KIF17: variants seen among roughly 807,000 people sequenced by gnomAD.
KIF17 encodes kinesin family member 17.
A neutral mutation model predicts 96.8 loss-of-function variants in KIF17; 80 were observed. The observed-to-expected ratio is 0.83, with a 90% CI of 0.69 to 1.00. The LOEUF is 1.00. KIF17 is among the 50% of genes least tolerant of loss of function. The probability of loss-of-function intolerance (pLI) is 0.00; values close to 1 mark genes in which losing one functional copy is unlikely to be tolerated. For missense variants in KIF17, 1,280 were observed against 1,372.9 expected (o/e 0.93, Z 1.07); for synonymous variants, 567 against 587.5 (o/e 0.97, Z 0.51).
downstream of KIF17, among the ~76,000 whole-genome samples, chr1:20,662,713 C>T (rs1277241558): frequency 6.6e-6 from 1 of 152,230 alleles, no homozygotes; most frequent in Non-Finnish European, 1.5e-5. Flanking sequence ...TCTCAGCAGC[C>T]TCGTCCCCTC....
At chr1:20,690,966 C>T (rs1373248166) in intron 6 of KIF17, among the ~76,000 whole-genome samples, 6 of 151,982 alleles carry the variant, frequency 3.9e-5, no homozygotes, top group African/African-American at 9.6e-5. Context: ...GGATTACAGG[C>T]GTGAGACACC....
At chr1:20,670,314 C>A in intron 13 of KIF17, 107 bp downstream of exon 13, 1 of 1,101,726 alleles carries the variant, frequency 9.1e-7, no homozygotes, top group South Asian at 1.3e-5. Context: ...AATCCTTAGG[C>A]GGGAGGAAAG....
At chr1:20,691,023 G>A (rs1014184648) in intron 6 of KIF17, among the ~76,000 whole-genome samples, 2 of 151,780 alleles carry the variant, frequency 1.3e-5, no homozygotes, top group African/African-American at 2.4e-5. Context: ...TTTGTAGGCC[G>A]GGCGTGGTGG....
chr1:20,695,348 C>T (rs1003245847), intron 6 of KIF17, among the ~76,000 whole-genome samples: 36 of 152,262 alleles, frequency 2.4e-4, no homozygotes, highest in African/African-American at 8.2e-4. Flanking sequence ...CCATCACTCC[C>T]GACTAATTTT....
chr1:20,714,259 G>A (rs532882330), intron 2 of KIF17, among the ~76,000 whole-genome samples: 46 of 151,814 alleles, frequency 3.0e-4, no homozygotes, highest in African/African-American at 7.0e-4. Context: ...CCCAGGAGGC[G>A]GAGCTTGCAG....
At chr1:20,715,780 C>T (rs975251204) in intron 1 of KIF17, 141 bp from the exon 2 acceptor site, 2 of 990,164 alleles carry the variant, frequency 2.0e-6, no homozygotes, top group Non-Finnish European at 3.1e-6. Flanking sequence ...ATAAACAAGG[C>T]GCAGCTCTGT....
intron 6 of KIF17, among the ~76,000 whole-genome samples, chr1:20,695,147 CAT>C (rs55665779): frequency 0.22 from 33,897 of 152,030 alleles, 3,865 homozygotes; most frequent in African/African-American, 0.27. Flanking sequence ...CGCACACACA[CAT>C]GCATGTGCAC....
chr1:20,673,490 T>G (rs1474789772), intron 11 of KIF17, among the ~76,000 whole-genome samples: 4 of 151,778 alleles, frequency 2.6e-5, no homozygotes, highest in Non-Finnish European at 4.4e-5. Context: ...CTTTCTGAAG[T>G]GCTGGGATTA....
In KIF17 at chr1:20,682,787, G is replaced by C; in HGVS notation, c.2329C>G (p.Arg777Gly). 1.9e-6 allele frequency: 3 copies of C among 1,612,772 alleles called. No homozygotes were observed. The highest frequency in any genetic ancestry group is 2.5e-6 in the Non-Finnish European group (3 of 1,180,022). The change falls in exon 11 of 15, where the codon CGC becomes GGC. Residue 777 changes from arginine (R) to glycine (G), a missense_variant. Physicochemically the swap from Arg to Gly is moderately radical, Grantham distance 125 (BLOSUM62 -2). Coordinates refer to ENST00000400463, the MANE Select transcript of KIF17 (RefSeq NM_001122819.3). ...AGGGCAGCCACCAGCTGCTTCCTGCGCTCGTCTGCGTAGCGCTTGCGCCGC... is the reference window on the plus strand; with the variant it reads ...AGGGCAGCCACCAGCTGCTTCCTGCCCTCGTCTGCGTAGCGCTTGCGCCGC... ...HKRRKRYADE[R>G]RKQLVAALQN...
intron 10 of KIF17, among the ~76,000 whole-genome samples, chr1:20,683,621 C>T (rs574736227): frequency 2.1e-4 from 32 of 152,154 alleles, no homozygotes; most frequent in Middle Eastern, 6.8e-3. Context: ...CACCACTGCA[C>T]TCCAGCCTGA....
Position 20,672,121 on chromosome 1 carries a change from T to C in KIF17, c.2539A>G (p.Ile847Val), listed in dbSNP as rs750824801. 6 of 1,614,190 alleles carry C rather than the reference T, an allele frequency of 3.7e-6. No homozygotes were observed. Among genetic ancestry groups the C allele is most frequent in the Non-Finnish European group, 5.1e-6 (6 of 1,180,042 alleles). Residue 847 changes from isoleucine (I) to valine (V), a missense_variant, in exon 12 of 15, where the codon ATC becomes GTC. Transcript: ENST00000400463. The surrounding 1 kb of genome is among the most constrained non-coding windows in gnomAD (Gnocchi z 4.3). ...ATGGAGTCACGCTCCTGCCGGCGGA[T>C]GGTGGCCAAGTAATCGATCTTCTCC... is the stretch of plus-strand genomic sequence containing the variant. Reference protein sequence around the residue: ...QLEKIDYLATIRRQERDSMLL... With the variant: ...QLEKIDYLATVRRQERDSMLL...
chr1:20,690,022 T>C (rs571549133), intron 7 of KIF17, among the ~76,000 whole-genome samples, 166 bp downstream of exon 7: 3 of 152,318 alleles, frequency 2.0e-5, no homozygotes, highest in Admixed American at 1.3e-4. Context: ...AGTTTCCTCA[T>C]CTATATAGCG....
At chr1:20,715,816 G>A (rs1167012054) in intron 1 of KIF17, among the ~76,000 whole-genome samples, 177 bp from the exon 2 acceptor site, 3 of 152,256 alleles carry the variant, frequency 2.0e-5, no homozygotes, top group Non-Finnish European at 2.9e-5. Context: ...TCTCTGGTGG[G>A]GTAGGAGCTG....
intron 2 of KIF17, among the ~76,000 whole-genome samples, chr1:20,713,824 G>T (rs1224383160): frequency 1.3e-5 from 2 of 152,006 alleles, no homozygotes; most frequent in Non-Finnish European, 2.9e-5. Flanking sequence ...TCATGGGAAA[G>T]GAAACAGAGG....
At position 20,712,640 on chromosome 1, in the gene KIF17, A is replaced by AT. The variant is rs1294051830; in HGVS notation, c.480+813_480+814insA. Among the ~76,000 whole-genome samples, 67 of 55,926 alleles carry AT rather than the reference A, an allele frequency of 1.2e-3. 7 individuals carry two copies. The highest frequency in any genetic ancestry group is 1.7e-3 in the Non-Finnish European group (46 of 26,324). The allele number at this position is 55,926 out of a possible 152,430, so 36.7% of individuals were successfully genotyped here. On this transcript the variant is annotated intron_variant, in intron 3 of 14. Coordinates refer to ENST00000400463, the MANE Select transcript of KIF17 (RefSeq NM_001122819.3). ...TAATATAGATAATATCTATATATATAATATAGATAATATTATCTATATATA... is the reference window on the plus strand; with the variant it reads ...TAATATAGATAATATCTATATATATATATATAGATAATATTATCTATATATA...
chr1:20,715,003 T>C (rs753053323), intron 2 of KIF17, among the ~76,000 whole-genome samples: 3 of 152,186 alleles, frequency 2.0e-5, no homozygotes, highest in Non-Finnish European at 4.4e-5. Flanking sequence ...GGTCGCCAGG[T>C]AATTCTCACC....
intron 13 of KIF17, among the ~76,000 whole-genome samples, chr1:20,669,742 C>T (rs1203652507): frequency 2.0e-5 from 3 of 146,840 alleles, no homozygotes; most frequent in South Asian, 2.2e-4. Context: ...CATGGTGGTG[C>T]GCGCCTGTAG....
chr1:20,695,198 T>A (rs916432143), intron 6 of KIF17, among the ~76,000 whole-genome samples: 13 of 152,152 alleles, frequency 8.5e-5, no homozygotes, highest in African/African-American at 3.1e-4. Context: ...ATTTTTAATT[T>A]TTTTTTTGAG....
At position 20,713,438 on chromosome 1, in the gene KIF17, A is replaced by G. The variant is rs764876162; in HGVS notation, c.480+16T>C. On this transcript the variant is annotated intron_variant, in intron 3 of 14. Coordinates refer to ENST00000400463, the MANE Select transcript of KIF17 (RefSeq NM_001122819.3). ...CCCCTACCAGCCCCACCTGCCCACA[A>G]TGGGTCTGCACCCACCTCCAGCTTC... is the stretch of plus-strand genomic sequence containing the variant. 9 of 1,597,340 alleles carry G rather than the reference A, an allele frequency of 5.6e-6. No individual in the cohort carries two copies. The highest frequency in any genetic ancestry group is 4.5e-5 in the East Asian group (2 of 44,786).
Sources: allele counts gnomAD v4.1 joint callset (sites outside exome capture counted in the v4.1 genomes callset), GRCh38; gene constraint gnomAD v4.1.1; non-coding constraint Gnocchi (gnomAD v3.1); transcripts MANE v1.5; gene names NCBI Gene and HGNC (gene_info 2026-07-23, HGNC 2026-07-21).